ERC2: variants seen among roughly 807,000 people sequenced by gnomAD.
ERC2 encodes ERC protein 2.
ERC2 carries 42 observed loss-of-function variants against 114.8 expected under a neutral mutation model. That is an observed-to-expected ratio of 0.37 (90% CI 0.29 to 0.47). The LOEUF is 0.47. Among genes scored for constraint, ERC2 ranks in the 20% least tolerant of loss-of-function variants. The pLI, the probability that ERC2 is intolerant of heterozygous loss-of-function variation, is 0.99. For missense variants in ERC2, 939 were observed against 1,150.7 expected (o/e 0.82, Z 2.66); for synonymous variants, 454 against 425.5 (o/e 1.07, Z -0.82).
At chr3:55,888,974 C>T (rs1193393575) in intron 13 of ERC2, among the ~76,000 whole-genome samples, 2 of 152,192 alleles carry the variant, frequency 1.3e-5, no homozygotes. Context: ...CAAGAAATGT[C>T]CAAATTTCTC....
chr3:56,173,073 C>T lies in ERC2; in HGVS notation c.1149+373G>A, dbSNP rs552776397. On this transcript the variant is annotated intron_variant, in intron 4 of 17. Transcript: ENST00000288221. ...CTGCATGTAAAATAACTTCCCTTTG[C>T]CAACTCTTAATTTCTCAAAGGTGCT... Among the ~76,000 whole-genome samples, 455 of 152,170 alleles carry T rather than the reference C, an allele frequency of 3.0e-3. 2 individuals carry two copies. Among genetic ancestry groups the T allele is most frequent in the African/African-American group, 0.01 (423 of 41,510 alleles).
At chr3:56,435,195 C>G in intron 1 of ERC2, 48 bp from the exon 2 acceptor site, 3 of 565,776 alleles carry the variant, frequency 5.3e-6, no homozygotes, top group Non-Finnish European at 6.2e-6. Flanking sequence ...CTTTAGAACT[C>G]TAACTGCATT....
rs2067611255 is a variant in ERC2 at position 55,952,179 on chromosome 3, ACTC to A, written c.2268-1622_2268-1620del. On this transcript the variant is annotated intron_variant, in intron 12 of 17. Transcript: ENST00000288221. ...CACACACACACACACACACACACACACTCTCTCTCTCTCTCTCTCTATATATAT... is the reference window on the plus strand; with the variant it reads ...CACACACACACACACACACACACACATCTCTCTCTCTCTCTCTATATATAT... 2.1e-3 allele frequency among the ~76,000 whole-genome samples: 130 copies of A among 62,098 alleles called. 10 individuals are homozygous for A. In the East Asian group the frequency reaches 0.05, roughly 24 times the overall value. 40.7% of individuals were successfully genotyped at this position (62,098 alleles called of 152,430 possible).
At chr3:56,354,520 A>C (rs1326353689) in intron 2 of ERC2, among the ~76,000 whole-genome samples, 1 of 152,190 alleles carries the variant, frequency 6.6e-6, no homozygotes, top group African/African-American at 2.4e-5. Context: ...GCAGTCCCCC[A>C]TAACAAGGGA....
chr3:55,841,895 T>C (rs2149217084), intron 14 of ERC2, among the ~76,000 whole-genome samples: 1 of 152,240 alleles, frequency 6.6e-6, no homozygotes, highest in Admixed American at 6.5e-5. Flanking sequence ...TTGTACTACA[T>C]CTCGTCTTGA....
In ERC2 at chr3:55,829,065, A is replaced by G. The variant is rs567653371; in HGVS notation, c.2564+59324T>C. ...AGGATCGATTGAGCCCAGGAAGTTG[A>G]GGCTGCACTGAGGCATGATTGTGTC... On this transcript the variant is annotated intron_variant, in intron 14 of 17. Coordinates refer to ENST00000288221, the MANE Select transcript of ERC2 (RefSeq NM_015576.3). Among the ~76,000 whole-genome samples, 4 of 152,266 alleles carry G rather than the reference A, an allele frequency of 2.6e-5. No individual in the cohort carries two copies. In the South Asian group the frequency reaches 8.3e-4, roughly 32 times the overall value.
At chr3:55,995,900 T>G (rs908666320) in intron 10 of ERC2, among the ~76,000 whole-genome samples, 6 of 152,170 alleles carry the variant, frequency 3.9e-5, no homozygotes, top group Non-Finnish European at 8.8e-5. Context: ...CTGAGCTTCC[T>G]CCAAAAATGG....
At chr3:56,104,031 T>C (rs2078509161) in intron 6 of ERC2, among the ~76,000 whole-genome samples, 1 of 152,210 alleles carries the variant, frequency 6.6e-6, no homozygotes, top group Non-Finnish European at 1.5e-5. Flanking sequence ...GGTGAATGAA[T>C]TAATGAATGA....
chr3:56,423,929 G>C (rs2061476334), intron 2 of ERC2, among the ~76,000 whole-genome samples: 1 of 152,150 alleles, frequency 6.6e-6, no homozygotes, highest in East Asian at 1.9e-4. Flanking sequence ...GGGGTGGTGG[G>C]AATTTGCACA....
chr3:56,175,880 A>G (rs2082950107), intron 3 of ERC2, among the ~76,000 whole-genome samples: 1 of 152,054 alleles, frequency 6.6e-6, no homozygotes, highest in South Asian at 2.1e-4. Flanking sequence ...AATTTGTAAC[A>G]TTAGTTATTA....
chr3:56,179,434 T>C (rs1341126818), intron 3 of ERC2, among the ~76,000 whole-genome samples: 1 of 152,084 alleles, frequency 6.6e-6, no homozygotes, highest in African/African-American at 2.4e-5. Flanking sequence ...GGCACTTTCT[T>C]AAAGGATTAC....
intron 14 of ERC2, among the ~76,000 whole-genome samples, chr3:55,879,765 T>C (rs2063034417): frequency 1.3e-5 from 2 of 152,230 alleles, no homozygotes; most frequent in Admixed American, 1.3e-4. Flanking sequence ...CAATATCCAT[T>C]CTTTCCTTTC....
At chr3:56,212,794 T>TACACAC (rs148746898) in intron 3 of ERC2, among the ~76,000 whole-genome samples, 38 of 143,424 alleles carry the variant, frequency 2.6e-4, no homozygotes, top group East Asian at 1.1e-3. Flanking sequence ...CATATACATA[T>TACACAC]ACACACACAC....
intron 3 of ERC2, among the ~76,000 whole-genome samples, chr3:56,267,960 G>C (rs1215977801): frequency 6.6e-6 from 1 of 152,132 alleles, no homozygotes; most frequent in Non-Finnish European, 1.5e-5. Context: ...TTTGCTAACA[G>C]AGTAGATTTT....
At chr3:56,301,514 C>G (rs1056535575) in intron 2 of ERC2, among the ~76,000 whole-genome samples, 41 of 152,054 alleles carry the variant, frequency 2.7e-4, no homozygotes, top group African/African-American at 8.2e-4. Flanking sequence ...CTTCTCTCCC[C>G]CTCCTACTCT....
chr3:55,864,426 A>G (rs2062201789), intron 14 of ERC2, among the ~76,000 whole-genome samples: 1 of 151,958 alleles, frequency 6.6e-6, no homozygotes, highest in Non-Finnish European at 1.5e-5. Flanking sequence ...TGAGATTCAG[A>G]ACTAGGCATA....
intron 9 of ERC2, among the ~76,000 whole-genome samples, chr3:56,007,687 G>C (rs1211890865): frequency 6.6e-6 from 1 of 152,056 alleles, no homozygotes; most frequent in Non-Finnish European, 1.5e-5. Context: ...TGCAGACATT[G>C]AGACAAATAC....
chr3:55,557,430 C>G (rs1179478), intron 17 of ERC2, among the ~76,000 whole-genome samples: 22 of 152,224 alleles, frequency 1.4e-4, no homozygotes, highest in Non-Finnish European at 2.6e-4. Flanking sequence ...CAGCCATATT[C>G]TGGCTGAAGT....
At chr3:55,709,077 A>C (rs2063636568) in intron 15 of ERC2, among the ~76,000 whole-genome samples, 1 of 152,218 alleles carries the variant, frequency 6.6e-6, no homozygotes, top group African/African-American at 2.4e-5. Context: ...GGCATCATCA[A>C]AACAGCTCCC....
Sources: allele counts gnomAD v4.1 joint callset (sites outside exome capture counted in the v4.1 genomes callset), GRCh38; gene constraint gnomAD v4.1.1; transcripts MANE v1.5; gene names NCBI Gene and HGNC (gene_info 2026-07-23, HGNC 2026-07-21).